PTPRO: variants seen among roughly 807,000 people sequenced by gnomAD.
The protein encoded by PTPRO is protein tyrosine phosphatase receptor type O, also known as receptor-type tyrosine-protein phosphatase O.
A neutral mutation model predicts 145.2 loss-of-function variants in PTPRO; 62 were observed. The observed-to-expected ratio is 0.43, with a 90% CI of 0.35 to 0.53. PTPRO has a LOEUF of 0.53. Among genes scored for constraint, PTPRO ranks in the 20% least tolerant of loss-of-function variants. PTPRO has a pLI of 0.01. For missense variants in PTPRO, 1,345 were observed against 1,482.7 expected (o/e 0.91, Z 1.53); for synonymous variants, 565 against 514.7 (o/e 1.10, Z -1.32).
chr12:15,579,949 C>A, intron 20 of PTPRO, 90 bp from the exon 21 acceptor site: 2 of 975,062 alleles, frequency 2.1e-6, no homozygotes, highest in Non-Finnish European at 3.2e-6. Flanking sequence ...CTGTCACTGA[C>A]TGATTTAACT....
At chr12:15,593,552 C>A (rs1263461302) in intron 25 of PTPRO, among the ~76,000 whole-genome samples, 2 of 152,110 alleles carry the variant, frequency 1.3e-5, no homozygotes, top group Non-Finnish European at 1.5e-5. Context: ...TGTAGTTTCT[C>A]ATTTAGGATT....
At chr12:15,441,319 C>A (rs149534013) in intron 1 of PTPRO, among the ~76,000 whole-genome samples, 4,377 of 145,276 alleles carry the variant, frequency 0.03, 228 homozygotes, top group African/African-American at 0.1. Context: ...AAAACAGAGA[C>A]ACAACATACC....
chr12:15,505,055 G>T (rs1272469325), intron 6 of PTPRO, among the ~76,000 whole-genome samples: 2 of 152,188 alleles, frequency 1.3e-5, no homozygotes, highest in African/African-American at 4.8e-5. Flanking sequence ...TTGGACATGT[G>T]ATTACTTAAG....
At position 15,597,610 on chromosome 12, in the gene PTPRO, G is replaced by A. The variant is rs1357109020; in HGVS notation, c.*1537G>A. Among the ~76,000 whole-genome samples the A allele has an allele frequency of 6.6e-6, 1 of 152,210 alleles. No homozygotes were observed. Among genetic ancestry groups the A allele is most frequent in the Admixed American group, 6.5e-5 (1 of 15,278 alleles). ...CCCACCGTCTCTTGTCACTGAAAAG[G>A]CTTGGCCATGGCAGACCTTGGCAGA... On this transcript the variant is annotated 3_prime_UTR_variant, in exon 27 of 27. Transcript: ENST00000281171.
At chr12:15,369,530 A>G (rs1938462221) in intron 1 of PTPRO, among the ~76,000 whole-genome samples, 2 of 152,170 alleles carry the variant, frequency 1.3e-5, no homozygotes, top group Non-Finnish European at 2.9e-5. Flanking sequence ...ATGGGCCATT[A>G]ATTCAAATAT....
chr12:15,467,509 T>C (rs1485023392), intron 1 of PTPRO, among the ~76,000 whole-genome samples: 1 of 151,962 alleles, frequency 6.6e-6, no homozygotes, highest in Non-Finnish European at 1.5e-5. Context: ...CTAAGGGATA[T>C]GCCTTCTAAA....
At chr12:15,457,175 C>T (rs1306535422) in intron 1 of PTPRO, among the ~76,000 whole-genome samples, 1 of 152,210 alleles carries the variant, frequency 6.6e-6, no homozygotes, top group Non-Finnish European at 1.5e-5. Flanking sequence ...TTGCTCGGGG[C>T]TCTTGGGCCT....
intron 1 of PTPRO, among the ~76,000 whole-genome samples, chr12:15,425,750 C>CT (rs1317191651): frequency 3.0e-5 from 4 of 133,730 alleles, no homozygotes; most frequent in Non-Finnish European, 6.6e-5. Context: ...TTTTTTGTAA[C>CT]TTTTTTATTA....
chr12:15,461,560 C>G (rs954001019), intron 1 of PTPRO, among the ~76,000 whole-genome samples: 5 of 133,096 alleles, frequency 3.8e-5, no homozygotes, highest in Admixed American at 8.7e-5. Flanking sequence ...TCATTTATTG[C>G]TATAGCTTTT....
chr12:15,520,559 T>G (rs1463521955), intron 10 of PTPRO, among the ~76,000 whole-genome samples: 1 of 152,232 alleles, frequency 6.6e-6, no homozygotes, highest in Non-Finnish European at 1.5e-5. Context: ...CTGACCTTGA[T>G]TAATGTACTC....
chr12:15,363,526 A>C (rs1938271166), intron 1 of PTPRO, among the ~76,000 whole-genome samples: 1 of 152,168 alleles, frequency 6.6e-6, no homozygotes. Flanking sequence ...CCTATACTTG[A>C]GTCCAAGAAA....
intron 12 of PTPRO, 27 bp from the exon 13 acceptor site, chr12:15,546,542 T>A (rs776354728): frequency 1.7e-5 from 26 of 1,557,340 alleles, no homozygotes; most frequent in East Asian, 2.4e-5. Context: ...TAAATTAAAT[T>A]TTTTTTAAAA....
At chr12:15,464,585 C>T (rs908775682) in intron 1 of PTPRO, among the ~76,000 whole-genome samples, 1 of 151,498 alleles carries the variant, frequency 6.6e-6, no homozygotes, top group African/African-American at 2.4e-5. Context: ...GGCAGGTCTC[C>T]TGACCTCAAG....
chr12:15,334,749 A>T (rs1393908303), intron 1 of PTPRO, among the ~76,000 whole-genome samples: 2 of 152,144 alleles, frequency 1.3e-5, no homozygotes, highest in Non-Finnish European at 2.9e-5. Context: ...CACATACATG[A>T]CTGAAAGGAG....
intron 19 of PTPRO, among the ~76,000 whole-genome samples, chr12:15,575,647 G>A (rs1944167207): frequency 6.6e-6 from 1 of 152,162 alleles, no homozygotes; most frequent in Non-Finnish European, 1.5e-5. Context: ...ACTGGGTTTG[G>A]GTGACCGTAT....
intron 1 of PTPRO, among the ~76,000 whole-genome samples, chr12:15,390,811 G>T (rs1464621352): frequency 6.6e-6 from 1 of 152,174 alleles, no homozygotes; most frequent in Non-Finnish European, 1.5e-5. Flanking sequence ...GTCTTAGTCT[G>T]CTCAGGCTAC....
At chr12:15,517,743 T>A (rs1942629129) in intron 9 of PTPRO, among the ~76,000 whole-genome samples, 1 of 152,284 alleles carries the variant, frequency 6.6e-6, no homozygotes, top group Middle Eastern at 3.4e-3. Flanking sequence ...CAAAATGATA[T>A]CCTTTGACTC....
At chr12:15,470,833 G>T (rs996306672) in intron 1 of PTPRO, among the ~76,000 whole-genome samples, 10 of 152,300 alleles carry the variant, frequency 6.6e-5, no homozygotes, top group African/African-American at 2.4e-4. Context: ...CAAGGAAATG[G>T]CAGTGCAAGG....
At chr12:15,388,562 T>C (rs1025257293) in intron 1 of PTPRO, among the ~76,000 whole-genome samples, 1 of 152,218 alleles carries the variant, frequency 6.6e-6, no homozygotes, top group African/African-American at 2.4e-5. Context: ...AGACCTTTAA[T>C]TGGAAAAAGT....
Sources: gnomAD v4.1 joint callset for allele counts (sites outside exome capture counted in the v4.1 genomes callset) on GRCh38, gnomAD v4.1.1 for gene constraint, MANE v1.5 for transcripts, NCBI Gene and HGNC (gene_info 2026-07-23, HGNC 2026-07-21) for gene names.